Variants in ODF2L observed in about 807,000 individuals in gnomAD.
The protein encoded by ODF2L is protein BCAP.
A neutral mutation model predicts 86.3 loss-of-function variants in ODF2L; 76 were observed. The ratio of observed to expected loss-of-function variants is 0.88; its 90% CI spans 0.73 to 1.07. ODF2L has a LOEUF of 1.07. Ranked by LOEUF, ODF2L falls within the 50% of genes least tolerant of loss-of-function variation. The pLI, the probability that ODF2L is intolerant of heterozygous loss-of-function variation, is 0.00. For synonymous variants in ODF2L, 241 were observed against 231.3 expected (o/e 1.04, Z -0.38); for missense variants, 748 against 717.4 (o/e 1.04, Z -0.49).
chr1:86,347,570 T>C (rs1417192887), downstream of ODF2L: 1 of 152,170 alleles, frequency 6.6e-6, no homozygotes, highest in African/African-American at 2.4e-5. Context: ...ACTGGATCAC[T>C]AGAAAGTAAG....
intron 14 of ODF2L, among the ~76,000 whole-genome samples, chr1:86,355,779 C>A (rs541478435): frequency 7.3e-6 from 1 of 137,274 alleles, no homozygotes; most frequent in Non-Finnish European, 1.6e-5. Context: ...TGAGAAAATG[C>A]AGTATTTTTT....
At chr1:86,379,659 C>T (rs2101183192) in intron 7 of ODF2L, among the ~76,000 whole-genome samples, 1 of 152,098 alleles carries the variant, frequency 6.6e-6, no homozygotes. Flanking sequence ...GATTTTTTTA[C>T]CAAATTTTAA....
intron 1 of ODF2L, among the ~76,000 whole-genome samples, chr1:86,394,424 A>G (rs1661558196): frequency 6.6e-6 from 1 of 151,898 alleles, no homozygotes; most frequent in South Asian, 2.1e-4. Context: ...AAAAAAAAAA[A>G]AGCCATGAGA....
At chr1:86,371,279 A>T (rs2101029340) in intron 9 of ODF2L, 126 bp from the exon 10 acceptor site, 1 of 482,034 alleles carries the variant, frequency 2.1e-6, no homozygotes, top group African/African-American at 2.0e-5. Flanking sequence ...TATACAAAAA[A>T]TAAATAGAAC....
At chr1:86,375,249 A>C (rs980116992) in intron 8 of ODF2L, among the ~76,000 whole-genome samples, 9 of 152,270 alleles carry the variant, frequency 5.9e-5, no homozygotes, top group African/African-American at 2.2e-4. Flanking sequence ...CAACAAAACA[A>C]AGAAAAAAAC....
Position 86,362,714 on chromosome 1 carries a change from C to G in ODF2L, c.1144-2178G>C, listed in dbSNP as rs539783083. Among the ~76,000 whole-genome samples the G allele has an allele frequency of 2.6e-5, 4 of 152,232 alleles. No individual in the cohort carries two copies. In the East Asian group the frequency reaches 7.7e-4, roughly 29 times the overall value. On this transcript the variant is annotated intron_variant, in intron 11 of 17. Coordinates refer to ENST00000317336, the Ensembl canonical transcript of ODF2L. The stretch of plus-strand genomic sequence containing the variant: ...TCACTCTGTTGCCCAGGTTGGAGAG[C>G]AGTAGTGTGATCTGGGTTCACTGCA...
intron 1 of ODF2L, among the ~76,000 whole-genome samples, chr1:86,390,393 C>A (rs1661237384): frequency 6.6e-6 from 1 of 151,886 alleles, no homozygotes; most frequent in Non-Finnish European, 1.5e-5. Flanking sequence ...ACACTCCAGT[C>A]TGGCAACAGA....
intron 1 of ODF2L, among the ~76,000 whole-genome samples, chr1:86,394,360 G>A (rs1020184542): frequency 1.3e-5 from 2 of 149,770 alleles, no homozygotes; most frequent in African/African-American, 4.9e-5. Flanking sequence ...ACGTTGCAGT[G>A]AGCCGAGATC....
At chr1:86,374,232 T>C (rs1045281543) in intron 8 of ODF2L, among the ~76,000 whole-genome samples, 1 of 152,202 alleles carries the variant, frequency 6.6e-6, no homozygotes, top group African/African-American at 2.4e-5. Flanking sequence ...TATTGAAGAC[T>C]AGTATTGTTT....
At chr1:86,373,451 CA>C (rs1241359630) in intron 8 of ODF2L, among the ~76,000 whole-genome samples, 8 of 149,598 alleles carry the variant, frequency 5.3e-5, no homozygotes, top group Non-Finnish European at 8.9e-5. Context: ...CACATATATA[CA>C]CATGCATATA....
downstream of ODF2L, chr1:86,348,813 T>G (rs781353934): frequency 6.4e-7 from 1 of 1,559,198 alleles, no homozygotes; most frequent in Non-Finnish European, 8.6e-7. Context: ...TACTCTCATT[T>G]TGATTTTCCG....
intron 12 of ODF2L, among the ~76,000 whole-genome samples, chr1:86,359,706 T>G (rs964658100): frequency 6.6e-6 from 1 of 151,746 alleles, no homozygotes; most frequent in Admixed American, 6.6e-5. Context: ...GTATTTTTAG[T>G]AGAGACAGGG....
At chr1:86,356,489 C>G (rs1297684413) in exon 14 of ODF2L, 7 of 1,613,846 alleles carry the variant, frequency 4.3e-6, no homozygotes, top group African/African-American at 1.3e-5. Flanking sequence ...CTGCACACTT[C>G]CCCTTGCAGC....
At chr1:86,389,857 G>C (rs901406601) in intron 1 of ODF2L, among the ~76,000 whole-genome samples, 5 of 152,072 alleles carry the variant, frequency 3.3e-5, no homozygotes, top group African/African-American at 1.2e-4. Flanking sequence ...ACCCTGAACA[G>C]ACCAATAACA....
At chr1:86,382,745 C>T (rs1297646615) in intron 6 of ODF2L, among the ~76,000 whole-genome samples, 186 bp downstream of exon 6, 5 of 151,390 alleles carry the variant, frequency 3.3e-5, no homozygotes, top group Non-Finnish European at 7.4e-5. Context: ...CCATAAAAAC[C>T]CTAAAAAAAC....
intron 1 of ODF2L, among the ~76,000 whole-genome samples, chr1:86,394,361 A>G (rs1172018378): frequency 1.3e-5 from 2 of 151,128 alleles, no homozygotes; most frequent in Non-Finnish European, 2.9e-5. Context: ...CGTTGCAGTG[A>G]GCCGAGATCG....
chr1:86,381,424 C>A (rs1660578043), intron 7 of ODF2L, among the ~76,000 whole-genome samples: 1 of 151,980 alleles, frequency 6.6e-6, no homozygotes, highest in African/African-American at 2.4e-5. Context: ...CATTATGTCC[C>A]TTTAAAGGAA....
chr1:86,354,970 T>C (rs2100749289), intron 14 of ODF2L, 111 bp from the exon 14 acceptor site: 1 of 629,662 alleles, frequency 1.6e-6, no homozygotes, highest in East Asian at 2.7e-5. Context: ...GTATAAATGT[T>C]ACTACTCTTA....
At chr1:86,383,885 A>G (rs1660757291) in intron 4 of ODF2L, among the ~76,000 whole-genome samples, 1 of 151,800 alleles carries the variant, frequency 6.6e-6, no homozygotes, top group African/African-American at 2.4e-5. Flanking sequence ...GTTAAGTATA[A>G]AAGTCCAGTT....
Sources: allele counts gnomAD v4.1 joint callset (sites outside exome capture counted in the v4.1 genomes callset), GRCh38; gene constraint gnomAD v4.1.1; transcripts MANE v1.5; gene names NCBI Gene and HGNC (gene_info 2026-07-23, HGNC 2026-07-21).